HIBCH: variants seen among roughly 807,000 people sequenced by gnomAD.
HIBCH encodes 3-hydroxyisobutyryl-CoA hydrolase, mitochondrial.
Under a neutral mutation model 58.2 loss-of-function variants are expected in HIBCH, and 50 were observed. The observed-to-expected ratio is 0.86, with a 90% CI of 0.68 to 1.09. The LOEUF (loss-of-function observed/expected upper bound fraction) is 1.09, where lower values mean the gene tolerates loss of function less well. HIBCH is among the 50% of genes least tolerant of loss of function. HIBCH has a pLI of 0.00. For synonymous variants in HIBCH, 151 were observed against 146.9 expected (o/e 1.03, Z -0.20); for missense variants, 450 against 449.7 (o/e 1.00, Z -0.01).
intron 1 of HIBCH, among the ~76,000 whole-genome samples, chr2:190,196,350 T>C (rs1248799458): frequency 1.3e-5 from 2 of 152,148 alleles, no homozygotes; most frequent in Non-Finnish European, 2.9e-5. Flanking sequence ...ACACAATGAA[T>C]TTTTCATTTC....
chr2:190,266,988 C>A (rs1381511814), intron 6 of HIBCH, among the ~76,000 whole-genome samples: 2 of 151,598 alleles, frequency 1.3e-5, no homozygotes, highest in Non-Finnish European at 2.9e-5. Context: ...AACTCCTGAC[C>A]TCAAGTGACC....
intron 5 of HIBCH, among the ~76,000 whole-genome samples, chr2:190,290,188 T>C (rs906901568): frequency 6.6e-6 from 1 of 152,156 alleles, no homozygotes; most frequent in African/African-American, 2.4e-5. Context: ...CTCATATTGA[T>C]TTTATAACAA....
intron 11 of HIBCH, among the ~76,000 whole-genome samples, chr2:190,238,789 T>C (rs1686361282): frequency 2.0e-5 from 3 of 152,230 alleles, no homozygotes; most frequent in Admixed American, 1.3e-4. Flanking sequence ...GAGAAGTGTC[T>C]GTTCACATCC....
intron 11 of HIBCH, among the ~76,000 whole-genome samples, chr2:190,218,119 G>T (rs1575699481): frequency 7.0e-6 from 1 of 143,614 alleles, no homozygotes; most frequent in Non-Finnish European, 1.5e-5. Context: ...TTTAATGCCT[G>T]CCAAGTCTTA....
chr2:190,310,825 CAGTAATGTGGGT>C, intron 1 of HIBCH, 29 bp from the exon 2 acceptor site: 1 of 1,512,418 alleles, frequency 6.6e-7, no homozygotes, highest in Non-Finnish European at 9.2e-7. Context: ...ACAATGAGAA[CAGTAATGTGGGT>C]AGTCATGTCT....
rs1470462792 is a variant in HIBCH, at chr2:190,254,760, C to T, written c.518-2453G>A. On this transcript the variant is annotated intron_variant, in intron 7 of 13. Coordinates refer to ENST00000359678, the MANE Select transcript of HIBCH (RefSeq NM_014362.4). This position sits in a 1 kb window ranked among gnomAD's most constrained non-coding sequence, Gnocchi z 5.0. ...CCAAAACATGTTTCAAATCTATTCA[C>T]TCTTTTCAACTCTATACCTCCAAAC... 1.3e-5 allele frequency among the ~76,000 whole-genome samples: 2 copies of T among 152,258 alleles called. No individual in the cohort carries two copies. The highest frequency in any genetic ancestry group is 2.4e-5 in the African/African-American group (1 of 41,558).
intron 8 of HIBCH, chr2:190,251,685 T>A (rs57857524): frequency 0.015 from 2,657 of 180,320 alleles, 67 homozygotes; most frequent in African/African-American, 0.056. Context: ...GTTTTTTTTT[T>A]AAAAAAAAAA....
chr2:190,314,389 ATG>A (rs1491329128), intron 1 of HIBCH, among the ~76,000 whole-genome samples: 6 of 94,198 alleles, frequency 6.4e-5, no homozygotes, highest in Non-Finnish European at 9.2e-5. Flanking sequence ...GTGTATATAT[ATG>A]TATATATATA....
chr2:190,287,686 T>A (rs1687865625), intron 5 of HIBCH, 48 bp from the exon 6 acceptor site: 2 of 1,371,376 alleles, frequency 1.5e-6, no homozygotes, highest in Admixed American at 1.7e-5. Context: ...TAAAATACAT[T>A]CCCTTTTTCT....
chr2:190,287,190 T>C lies in HIBCH; in HGVS notation c.438+396A>G, dbSNP rs541423496. Among the ~76,000 whole-genome samples, 11 of 152,174 alleles carry C rather than the reference T, an allele frequency of 7.2e-5. No individual in the cohort carries two copies. In the East Asian group the frequency reaches 2.1e-3, roughly 29 times the overall value. ...GATTATCATGCCTCAACCTCCTGAGTAGCTGAGATCACAGGTGTGTGCCAC... is the reference window on the plus strand; with the variant it reads ...GATTATCATGCCTCAACCTCCTGAGCAGCTGAGATCACAGGTGTGTGCCAC... On this transcript the variant is annotated intron_variant, in intron 6 of 13. Transcript: ENST00000359678.
chr2:190,245,105 A>G, intron 10 of HIBCH, 137 bp from the exon 11 acceptor site: 7 of 685,346 alleles, frequency 1.0e-5, no homozygotes, highest in Non-Finnish European at 1.9e-5. Flanking sequence ...ACAGGACGTG[A>G]AAAGAAAGAG....
intron 9 of HIBCH, 38 bp from the exon 10 acceptor site, chr2:190,246,250 C>G (rs889329825): frequency 1.6e-6 from 2 of 1,218,408 alleles, no homozygotes; most frequent in South Asian, 2.6e-5. Flanking sequence ...AATTTGAACA[C>G]AATTTTTTAA....
chr2:190,225,642 G>T (rs1018189258), intron 11 of HIBCH, among the ~76,000 whole-genome samples: 6 of 151,906 alleles, frequency 3.9e-5, no homozygotes, highest in Non-Finnish European at 8.8e-5. Flanking sequence ...CCCACCAACC[G>T]AAAAAACTCC....
Position 190,226,917 on chromosome 2 carries a change from C to G in HIBCH, c.892-13842G>C, listed in dbSNP as rs568292228. On this transcript the variant is annotated intron_variant, in intron 11 of 13. Coordinates refer to ENST00000359678, the MANE Select transcript of HIBCH (RefSeq NM_014362.4). ...AGGAGAACTACAAACCACTGCTCAA[C>G]GAAATAAAAGAGGATACAAACAAAT... Among the ~76,000 whole-genome samples, 416 of 151,912 alleles carry G rather than the reference C, an allele frequency of 2.7e-3. 3 individuals are homozygous for G. The highest frequency in any genetic ancestry group is 8.6e-3 in the African/African-American group (357 of 41,446).
intron 1 of HIBCH, among the ~76,000 whole-genome samples, chr2:190,194,081 C>A (rs1299883847): frequency 1.3e-5 from 2 of 151,986 alleles, no homozygotes; most frequent in African/African-American, 4.8e-5. Context: ...ATATATGAGG[C>A]TTTTCTAGAT....
intron 6 of HIBCH, among the ~76,000 whole-genome samples, chr2:190,277,994 T>A (rs1185067299): frequency 2.0e-5 from 3 of 152,200 alleles, no homozygotes; most frequent in African/African-American, 7.2e-5. Context: ...ATACTAAGCC[T>A]ACACTAAGCA....
chr2:190,265,655 G>A (rs1687212569), intron 6 of HIBCH, among the ~76,000 whole-genome samples: 1 of 152,016 alleles, frequency 6.6e-6, no homozygotes, highest in South Asian at 2.1e-4. Context: ...TACATTTAGT[G>A]TATTATTTAA....
Position 190,196,353 on chromosome 2 carries a change from T to C in HIBCH, c.*18-6356A>G, listed in dbSNP as rs191817827. Among the ~76,000 whole-genome samples the C allele has an allele frequency of 2.6e-5, 4 of 152,284 alleles. No homozygotes were observed. In the East Asian group the frequency reaches 7.7e-4, roughly 29 times the overall value. On this transcript the variant is annotated intron_variant, in intron 1 of 1. Transcript: ENST00000399855. ...ATTCAGTAGTCCACACAATGAATTTTTCATTTCACATCTTGTACATTTCAG... is the reference window on the plus strand; with the variant it reads ...ATTCAGTAGTCCACACAATGAATTTCTCATTTCACATCTTGTACATTTCAG...
chr2:190,259,712 T>G (rs1486072689), intron 7 of HIBCH, among the ~76,000 whole-genome samples: 2 of 152,222 alleles, frequency 1.3e-5, no homozygotes, highest in African/African-American at 4.8e-5. Flanking sequence ...TCCTACAGCT[T>G]TACTGTATTT....
Sources: allele counts gnomAD v4.1 joint callset (sites outside exome capture counted in the v4.1 genomes callset), GRCh38; gene constraint gnomAD v4.1.1; non-coding constraint Gnocchi (gnomAD v3.1); transcripts MANE v1.5; gene names NCBI Gene and HGNC (gene_info 2026-07-23, HGNC 2026-07-21).